ADCK2: variants seen among roughly 807,000 people sequenced by gnomAD.
The protein encoded by ADCK2 is aarF domain containing kinase 2, also known as uncharacterized aarF domain-containing protein kinase 2.
In ADCK2, 37 loss-of-function variants were observed where a neutral mutation model predicts 52.3. The ratio of observed to expected loss-of-function variants is 0.71; its 90% CI spans 0.54 to 0.93. The LOEUF is 0.93. Among genes scored for constraint, ADCK2 ranks in the 40% least tolerant of loss-of-function variants. The pLI, the probability that ADCK2 is intolerant of heterozygous loss-of-function variation, is 0.00. For synonymous variants in ADCK2, 321 were observed against 349.2 expected (o/e 0.92, Z 0.90); for missense variants, 695 against 798.7 (o/e 0.87, Z 1.56).
rs73491642 is a variant in ADCK2, at chr7:140,678,397, G to C, written c.1081-758G>C. Reference sequence around the variant, plus strand: ...TATCACTCTGGAGACTGGCATTGAGGTCTGACCTGGGGATCAAGGTGCTGT... The same window carrying C: ...TATCACTCTGGAGACTGGCATTGAGCTCTGACCTGGGGATCAAGGTGCTGT... On this transcript the variant is annotated intron_variant, in intron 2 of 7. Transcript: ENST00000072869. This position sits in a 1 kb window ranked among gnomAD's most constrained non-coding sequence, Gnocchi z 4.9. 0.052 allele frequency among the ~76,000 whole-genome samples: 7,935 copies of C among 152,176 alleles called. 666 individuals carry two copies. The highest frequency in any genetic ancestry group is 0.18 in the African/African-American group (7,490 of 41,478).
At chr7:140,675,317 T>G (rs1272880443) in intron 2 of ADCK2, among the ~76,000 whole-genome samples, 3 of 152,226 alleles carry the variant, frequency 2.0e-5, no homozygotes, top group African/African-American at 7.2e-5. Flanking sequence ...TATTTTATTA[T>G]TTTAAAAACA....
In ADCK2 at chr7:140,674,013, G is replaced by T; in HGVS notation, c.683G>T (p.Ser228Ile). 1.2e-6 allele frequency: 2 copies of T among 1,614,144 alleles called. No individual in the cohort carries two copies. Among genetic ancestry groups the T allele is most frequent in the Non-Finnish European group, 1.7e-6 (2 of 1,180,044 alleles). Reference sequence around the variant, plus strand: ...AACACTGCCTTCCTGGAGACTGACAGCGTCCAGAGACTTGGCAGGGCCTCC... The same window carrying T: ...AACACTGCCTTCCTGGAGACTGACATCGTCCAGAGACTTGGCAGGGCCTCC... ...YANTAFLETDSVQRLGRASCL... is the reference protein window; with the variant it reads ...YANTAFLETDIVQRLGRASCL... Residue 228 changes from serine to isoleucine, a missense_variant, in exon 1 of 8, where the codon AGC (serine) becomes ATC (isoleucine). Transcript: ENST00000072869. The surrounding 1 kb of genome is among the most constrained non-coding windows in gnomAD (Gnocchi z 4.6).
At chr7:140,683,193 C>T (rs114025199) in intron 4 of ADCK2, among the ~76,000 whole-genome samples, 4,347 of 151,688 alleles carry the variant, frequency 0.029, 200 homozygotes, top group African/African-American at 0.097. Flanking sequence ...CCCAGCTACT[C>T]GGAATTGCTT....
intron 5 of ADCK2, among the ~76,000 whole-genome samples, chr7:140,689,100 T>TGGGATTACAGGTACCC (rs1292038402): frequency 2.6e-5 from 4 of 151,890 alleles, no homozygotes; most frequent in African/African-American, 9.7e-5. Context: ...CCCAGGTAGC[T>TGGGATTACAGGTACCC]GGGATTACAG....
chr7:140,690,655 G>C, intron 6 of ADCK2, 105 bp from the exon 7 acceptor site: 2 of 994,662 alleles, frequency 2.0e-6, no homozygotes, highest in Non-Finnish European at 1.5e-6. Flanking sequence ...GTGCCCTGGC[G>C]GGGGAGTGGG....
Position 140,689,633 on chromosome 7 carries a change from C to T in ADCK2, c.1594C>T (p.Arg532Trp), listed in dbSNP as rs199869285. The T allele has an allele frequency of 1.1e-5, 17 of 1,611,878 alleles. No individual in the cohort carries two copies. The highest frequency in any genetic ancestry group is 2.2e-5 in the South Asian group (2 of 90,802). ...RVAELILHHA[R>W]ASECRDVEGF... is the part of the protein sequence containing the mutation. ...GGCTGAGCTGATCCTGCATCATGCC[C>T]GGGCCAGCGAGTGCAGGGACGTGGA... The change falls in exon 6 of 8, where the codon CGG becomes TGG. Residue 532 changes from arginine to tryptophan, a missense_variant. Arg to Trp is a moderately radical substitution (Grantham distance 101). Coordinates refer to ENST00000072869, the MANE Select transcript of ADCK2 (RefSeq NM_052853.4).
intron 4 of ADCK2, 130 bp downstream of exon 4, chr7:140,681,267 G>A (rs1794511207): frequency 1.3e-6 from 1 of 795,052 alleles, no homozygotes; most frequent in African/African-American, 1.7e-5. Context: ...AGAAAGTCTG[G>A]TCTAGAAAGA....
Position 140,695,052 on chromosome 7 carries a change from C to A in ADCK2, c.*249C>A. On this transcript the variant is annotated 3_prime_UTR_variant, in exon 8 of 8. Transcript: ENST00000072869. The stretch of plus-strand genomic sequence containing the variant: ...TGGAAGCTGGGCCAGGTGCCAGGGA[C>A]ACTCTCCTTCAGGGAAAATGTTATG... 8.1e-7 allele frequency: 1 copy of A among 1,234,010 alleles called. No individual in the cohort carries two copies. Among genetic ancestry groups the A allele is most frequent in the South Asian group, 3.4e-5 (1 of 29,254 alleles). 76.4% of individuals were successfully genotyped at this position (1,234,010 alleles called of 1,614,324 possible).
chr7:140,690,469 C>T (rs1460727972), intron 6 of ADCK2, among the ~76,000 whole-genome samples: 1 of 146,986 alleles, frequency 6.8e-6, no homozygotes, highest in African/African-American at 2.5e-5. Flanking sequence ...TCCCAAAGTG[C>T]TAGGATTATA....
chr7:140,677,516 G>A (rs1563206498), intron 2 of ADCK2, among the ~76,000 whole-genome samples: 1 of 152,140 alleles, frequency 6.6e-6, no homozygotes, highest in Non-Finnish European at 1.5e-5. Context: ...TATTGAACAT[G>A]TACAGACTTT....
intron 2 of ADCK2, among the ~76,000 whole-genome samples, chr7:140,676,301 C>T (rs1253721760): frequency 1.3e-5 from 2 of 152,162 alleles, no homozygotes; most frequent in Non-Finnish European, 2.9e-5. Context: ...ACCTAATCAC[C>T]TCCTAAAGGC....
chr7:140,690,296 G>A (rs1368733120), intron 6 of ADCK2, among the ~76,000 whole-genome samples: 16 of 152,178 alleles, frequency 1.1e-4, no homozygotes, highest in Admixed American at 3.3e-4. Flanking sequence ...TCCACCTCCC[G>A]GATTCAAGCG....
chr7:140,674,159 C>G lies in ADCK2; in HGVS notation c.829C>G (p.Leu277Val). Residue 277 changes from leucine (L) to valine (V), a missense_variant, in exon 1 of 8, where the codon CTC becomes GTC. Coordinates refer to ENST00000072869, the MANE Select transcript of ADCK2 (RefSeq NM_052853.4). The surrounding 1 kb of genome is among the most constrained non-coding windows in gnomAD (Gnocchi z 4.6). ...AGACCAGTCGTTTCTAGAAAGGCTG[C>G]TCCTCCCTAAAGCTGACCTGGTTGG... Reference protein sequence around the residue: ...LADQSFLERLLLPKADLVGSN... With the variant: ...LADQSFLERLVLPKADLVGSN... 7.4e-6 allele frequency: 12 copies of G among 1,614,076 alleles called. No individual in the cohort carries two copies. Among genetic ancestry groups the G allele is most frequent in the Non-Finnish European group, 1.0e-5 (12 of 1,180,034 alleles).
rs760917464 is a variant in ADCK2 at position 140,673,519 on chromosome 7, C to G, written c.189C>G (p.Asp63Glu). 6.2e-7 allele frequency: 1 copy of G among 1,600,382 alleles called. No individual in the cohort carries two copies. Among genetic ancestry groups the G allele is most frequent in the Non-Finnish European group, 8.5e-7 (1 of 1,176,306 alleles). Residue 63 changes from aspartate (D) to glutamate (E), a missense_variant, in exon 1 of 8, where the codon GAC becomes GAG. Asp to Glu is a conservative substitution (Grantham distance 45, BLOSUM62 2). Transcript: ENST00000072869. The surrounding 1 kb of genome is among the most constrained non-coding windows in gnomAD (Gnocchi z 6.4). The stretch of plus-strand genomic sequence containing the variant: ...GGGACGTGGGTGAGGGGGCCCCTGA[C>G]GTTCTGAGTCGGCGAAGGGTCCGCT... ...LCGDVGEGAP[D>E]VLSRRRVRCS...
Position 140,674,540 on chromosome 7 carries a change from G to T in ADCK2, c.934-71G>T. The T allele has an allele frequency of 6.5e-7, 1 of 1,526,958 alleles. No individual in the cohort carries two copies. Among genetic ancestry groups the T allele is most frequent in the Non-Finnish European group, 8.8e-7 (1 of 1,132,492 alleles). The allele number at this position is 1,526,958 out of a possible 1,614,324, so 94.6% of individuals were successfully genotyped here. On this transcript the variant is annotated intron_variant, in intron 1 of 7. Transcript: ENST00000072869. The surrounding 1 kb of genome is among the most constrained non-coding windows in gnomAD (Gnocchi z 4.6). ...GCCACCTGGCTCTTGCTTGGATGGTGGGACCCAGCCCTGGCTGGGTAAAAT... is the reference window on the plus strand; with the variant it reads ...GCCACCTGGCTCTTGCTTGGATGGTTGGACCCAGCCCTGGCTGGGTAAAAT...
chr7:140,686,094 T>C (rs1315711057), intron 4 of ADCK2, among the ~76,000 whole-genome samples: 1 of 152,192 alleles, frequency 6.6e-6, no homozygotes, highest in Non-Finnish European at 1.5e-5. Context: ...AGGGAAAGTC[T>C]GATTTATGAG....
chr7:140,688,015 CTT>C (rs1404957949), intron 5 of ADCK2, among the ~76,000 whole-genome samples: 1 of 150,726 alleles, frequency 6.6e-6, no homozygotes, highest in African/African-American at 2.4e-5. Flanking sequence ...GGGGGTGAAT[CTT>C]TTATACTCTG....
intron 7 of ADCK2, among the ~76,000 whole-genome samples, chr7:140,691,560 T>C (rs1359558761): frequency 1.3e-5 from 2 of 152,186 alleles, no homozygotes; most frequent in East Asian, 1.9e-4. Flanking sequence ...GCCTGGCTGC[T>C]GTAGTCCATT....
At chr7:140,690,305 C>A (rs967821550) in intron 6 of ADCK2, among the ~76,000 whole-genome samples, 1 of 152,080 alleles carries the variant, frequency 6.6e-6, no homozygotes, top group African/African-American at 2.4e-5. Flanking sequence ...CGGATTCAAG[C>A]GATTCTCCTG....
Sources: allele counts gnomAD v4.1 joint callset (sites outside exome capture counted in the v4.1 genomes callset), GRCh38; gene constraint gnomAD v4.1.1; non-coding constraint Gnocchi (gnomAD v3.1); transcripts MANE v1.5; gene names NCBI Gene and HGNC (gene_info 2026-07-23, HGNC 2026-07-21).